Variants in MGAT4C observed in about 807,000 individuals in gnomAD.
MGAT4C encodes the protein MGAT4 family member C.
A neutral mutation model predicts 40.1 loss-of-function variants in MGAT4C; 19 were observed. The ratio of observed to expected loss-of-function variants is 0.47; its 90% CI spans 0.33 to 0.70. The LOEUF is 0.70. MGAT4C is among the 30% of genes least tolerant of loss of function. The probability of loss-of-function intolerance (pLI) is 0.02; values close to 1 mark genes in which losing one functional copy is unlikely to be tolerated. For synonymous variants in MGAT4C, 181 were observed against 187.1 expected (o/e 0.97, Z 0.27); for missense variants, 491 against 563.2 (o/e 0.87, Z 1.30).
At chr12:86,061,732 C>A (rs1035267334) in intron 1 of MGAT4C, among the ~76,000 whole-genome samples, 2 of 152,074 alleles carry the variant, frequency 1.3e-5, no homozygotes, top group Non-Finnish European at 2.9e-5. Context: ...GCAGTTTTAC[C>A]CTCACAGTGT....
chr12:86,493,283 T>C lies in MGAT4C; in HGVS notation c.-228-58018A>G, dbSNP rs935997521. ...AACTAGAAATACCATTTGACCCAGC[T>C]ATCCCATTACTGGGTATATACCCAA... On this transcript the variant is annotated intron_variant, in intron 2 of 7. Transcript: ENST00000548651. Among the ~76,000 whole-genome samples the C allele has an allele frequency of 8.2e-3, 1,243 of 151,730 alleles. 16 individuals carry two copies. The highest frequency in any genetic ancestry group is 0.025 in the African/African-American group (1,022 of 41,114).
At chr12:86,030,640 C>T (rs1169189458) in intron 2 of MGAT4C, among the ~76,000 whole-genome samples, 1 of 151,626 alleles carries the variant, frequency 6.6e-6, no homozygotes, top group Non-Finnish European at 1.5e-5. Flanking sequence ...ATGCATTGTT[C>T]CCAATGGAAT....
At chr12:86,683,459 C>T (rs1268645428) in intron 2 of MGAT4C, among the ~76,000 whole-genome samples, 1 of 152,076 alleles carries the variant, frequency 6.6e-6, no homozygotes, top group African/African-American at 2.4e-5. Flanking sequence ...TCTATCCTTT[C>T]AACTACTTCT....
intron 2 of MGAT4C, among the ~76,000 whole-genome samples, chr12:86,517,614 CTTTT>C (rs917154184): frequency 2.0e-5 from 3 of 151,910 alleles, no homozygotes; most frequent in African/African-American, 7.2e-5. Flanking sequence ...AGCAAAGTGA[CTTTT>C]TATTTATTTA....
intron 1 of MGAT4C, among the ~76,000 whole-genome samples, chr12:86,222,969 C>A (rs973124189): frequency 2.0e-5 from 3 of 152,178 alleles, no homozygotes; most frequent in Non-Finnish European, 2.9e-5. Context: ...GAGAACTCCT[C>A]GACTTCTGTG....
At chr12:86,419,344 G>A (rs897569064) in intron 3 of MGAT4C, among the ~76,000 whole-genome samples, 3 of 151,464 alleles carry the variant, frequency 2.0e-5, no homozygotes, top group Non-Finnish European at 4.4e-5. Flanking sequence ...AATGAACAAA[G>A]AAACTGAGTT....
intron 2 of MGAT4C, among the ~76,000 whole-genome samples, chr12:86,578,275 T>C (rs895763528): frequency 6.6e-6 from 1 of 151,838 alleles, no homozygotes; most frequent in Non-Finnish European, 1.5e-5. Flanking sequence ...CAGAAGGACA[T>C]GTGGTGACAT....
intron 1 of MGAT4C, among the ~76,000 whole-genome samples, chr12:86,185,393 T>C (rs1179077553): frequency 6.6e-6 from 1 of 152,186 alleles, no homozygotes; most frequent in African/African-American, 2.4e-5. Flanking sequence ...TTGAGAACAG[T>C]TTAGTACTTG....
chr12:86,794,624 GAAT>G (rs1952080255), intron 1 of MGAT4C, among the ~76,000 whole-genome samples: 1 of 151,758 alleles, frequency 6.6e-6, no homozygotes, highest in Non-Finnish European at 1.5e-5. Flanking sequence ...GCACAAAGAG[GAAT>G]AATATTATTA....
intron 4 of MGAT4C, among the ~76,000 whole-genome samples, chr12:86,266,450 C>G (rs953101241): frequency 6.6e-6 from 1 of 152,130 alleles, no homozygotes; most frequent in African/African-American, 2.4e-5. Context: ...TACTGGTCAG[C>G]ATATGTTTAA....
intron 1 of MGAT4C, among the ~76,000 whole-genome samples, chr12:86,179,244 T>C (rs1198112907): frequency 2.0e-5 from 3 of 152,188 alleles, no homozygotes; most frequent in Non-Finnish European, 2.9e-5. Flanking sequence ...AAGAAGTGCC[T>C]TTCGCCTCCC....
At chr12:86,018,785 C>T (rs988956586) in intron 2 of MGAT4C, among the ~76,000 whole-genome samples, 10 of 151,828 alleles carry the variant, frequency 6.6e-5, no homozygotes, top group African/African-American at 2.4e-4. Context: ...ACTAAGTATC[C>T]TACAATGATG....
chr12:86,028,252 TC>T (rs1308662921), intron 2 of MGAT4C: 2 of 1,053,192 alleles, frequency 1.9e-6, no homozygotes, highest in Non-Finnish European at 1.3e-6. Context: ...TATTAAAAGC[TC>T]CTATTACCTT....
At chr12:86,416,409 A>G (rs574459535) in intron 3 of MGAT4C, among the ~76,000 whole-genome samples, 84 of 152,236 alleles carry the variant, frequency 5.5e-4, no homozygotes, top group South Asian at 2.1e-3. Context: ...AGATTTTTAA[A>G]TGACTGTCAT....
chr12:86,627,714 A>G (rs1962867330), intron 2 of MGAT4C, among the ~76,000 whole-genome samples: 1 of 152,190 alleles, frequency 6.6e-6, no homozygotes, highest in African/African-American at 2.4e-5. Flanking sequence ...CAAAAAGGAC[A>G]TTCACACCAA....
chr12:86,311,108 A>G (rs1462222266), intron 4 of MGAT4C, among the ~76,000 whole-genome samples: 1 of 152,212 alleles, frequency 6.6e-6, no homozygotes. Flanking sequence ...TGCATCACGT[A>G]ACAATAGTGG....
At chr12:86,376,405 A>T (rs963137731) in intron 3 of MGAT4C, among the ~76,000 whole-genome samples, 1 of 151,950 alleles carries the variant, frequency 6.6e-6, no homozygotes, top group Non-Finnish European at 1.5e-5. Context: ...TAAATTTGAA[A>T]AATGAAACAA....
At chr12:86,541,409 A>G (rs1959166972) in intron 2 of MGAT4C, among the ~76,000 whole-genome samples, 1 of 152,202 alleles carries the variant, frequency 6.6e-6, no homozygotes, top group Non-Finnish European at 1.5e-5. Flanking sequence ...GAGATGGTAG[A>G]TTATGCAAAA....
intron 1 of MGAT4C, among the ~76,000 whole-genome samples, chr12:86,091,391 G>A (rs1161607725): frequency 6.6e-6 from 1 of 151,986 alleles, no homozygotes; most frequent in Non-Finnish European, 1.5e-5. Context: ...GAATACTTAG[G>A]ATATTTTTTG....
Sources: gnomAD v4.1 joint callset for allele counts (sites outside exome capture counted in the v4.1 genomes callset) on GRCh38, gnomAD v4.1.1 for gene constraint, MANE v1.5 for transcripts, NCBI Gene and HGNC (gene_info 2026-07-23, HGNC 2026-07-21) for gene names.